SNTG1: variants seen among roughly 807,000 people sequenced by gnomAD.
The protein encoded by SNTG1 is syntrophin gamma 1, also known as gamma-1-syntrophin.
Under a neutral mutation model 74.7 loss-of-function variants are expected in SNTG1, and 39 were observed. That is an observed-to-expected ratio of 0.52 (90% CI 0.40 to 0.68). The LOEUF (loss-of-function observed/expected upper bound fraction) is 0.68, where lower values mean the gene tolerates loss of function less well. Among genes scored for constraint, SNTG1 ranks in the 30% least tolerant of loss-of-function variants. SNTG1 has a pLI of 0.00. For missense variants in SNTG1, 685 were observed against 609.5 expected (o/e 1.12, Z -1.30); for synonymous variants, 254 against 217.1 (o/e 1.17, Z -1.49).
intron 13 of SNTG1, among the ~76,000 whole-genome samples, chr8:50,637,598 T>C (rs13273663): frequency 0.51 from 77,519 of 151,862 alleles, 21,957 homozygotes; most frequent in East Asian, 0.66. Flanking sequence ...ATTTTTAGTA[T>C]AGTACTCTAG....
chr8:50,112,021 A>G (rs1186768434), intron 1 of SNTG1, among the ~76,000 whole-genome samples: 1 of 152,166 alleles, frequency 6.6e-6, no homozygotes, highest in Non-Finnish European at 1.5e-5. Context: ...ATTATATTTT[A>G]TCAAACTTGA....
chr8:49,931,844 A>G (rs1807624518), intron 1 of SNTG1, among the ~76,000 whole-genome samples: 1 of 152,138 alleles, frequency 6.6e-6, no homozygotes, highest in African/African-American at 2.4e-5. Flanking sequence ...GGCAAGAAAT[A>G]TTGTTTTTAG....
intron 9 of SNTG1, among the ~76,000 whole-genome samples, chr8:50,510,593 G>T (rs986234246): frequency 4.6e-5 from 7 of 152,168 alleles, no homozygotes; most frequent in African/African-American, 1.7e-4. Context: ...CAATTTCAGA[G>T]CCTGTTTTTG....
At chr8:50,252,292 C>G (rs2086678080) in intron 2 of SNTG1, among the ~76,000 whole-genome samples, 1 of 151,888 alleles carries the variant, frequency 6.6e-6, no homozygotes, top group South Asian at 2.1e-4. Context: ...AATTGTATAA[C>G]TCAAGGAACT....
intron 12 of SNTG1, among the ~76,000 whole-genome samples, chr8:50,556,275 T>C (rs1312839033): frequency 6.6e-6 from 1 of 152,152 alleles, no homozygotes; most frequent in East Asian, 1.9e-4. Flanking sequence ...ACTCATTTTA[T>C]TTAAATTCTA....
chr8:50,676,030 G>T (rs2095308310), intron 15 of SNTG1, among the ~76,000 whole-genome samples: 2 of 151,982 alleles, frequency 1.3e-5, no homozygotes, highest in Non-Finnish European at 2.9e-5. Context: ...CCTTTTGTAA[G>T]TGACCTGGCC....
At chr8:50,357,503 A>G (rs1441164108) in intron 2 of SNTG1, among the ~76,000 whole-genome samples, 1 of 152,232 alleles carries the variant, frequency 6.6e-6, no homozygotes, top group Non-Finnish European at 1.5e-5. Context: ...TGTCCTTGGC[A>G]TGTGGGAATT....
chr8:50,724,816 G>GT (rs2095496154), intron 17 of SNTG1, among the ~76,000 whole-genome samples: 1 of 152,086 alleles, frequency 6.6e-6, no homozygotes, highest in South Asian at 2.1e-4. Flanking sequence ...CATAACCAAT[G>GT]TTAAAGGTTT....
At chr8:50,415,416 A>T (rs1031931603) in intron 4 of SNTG1, among the ~76,000 whole-genome samples, 9 of 152,160 alleles carry the variant, frequency 5.9e-5, no homozygotes, top group Non-Finnish European at 1.3e-4. Context: ...GTAATAACGT[A>T]AATATAAGGT....
At chr8:50,397,818 T>A (rs1372543078) in intron 3 of SNTG1, among the ~76,000 whole-genome samples, 3 of 152,190 alleles carry the variant, frequency 2.0e-5, no homozygotes, top group Non-Finnish European at 4.4e-5. Flanking sequence ...CTGCCTGTGT[T>A]GAATTCTAGC....
chr8:50,641,828 C>T (rs1258149604), intron 13 of SNTG1, among the ~76,000 whole-genome samples: 1 of 152,078 alleles, frequency 6.6e-6, no homozygotes, highest in Non-Finnish European at 1.5e-5. Context: ...TCTCTATTAC[C>T]ACACAATGTC....
At chr8:50,691,030 G>C (rs2095376222) in intron 15 of SNTG1, among the ~76,000 whole-genome samples, 1 of 152,072 alleles carries the variant, frequency 6.6e-6, no homozygotes, top group Admixed American at 6.5e-5. Context: ...TTTGATCTTT[G>C]TTGGTTTAAA....
chr8:50,139,299 A>T (rs1024048916), intron 1 of SNTG1, among the ~76,000 whole-genome samples: 1 of 152,214 alleles, frequency 6.6e-6, no homozygotes, highest in Non-Finnish European at 1.5e-5. Flanking sequence ...CCAATCATTT[A>T]TATTTGAACA....
intron 17 of SNTG1, among the ~76,000 whole-genome samples, chr8:50,718,919 T>G (rs1036324000): frequency 2.6e-5 from 4 of 152,192 alleles, no homozygotes; most frequent in Admixed American, 2.6e-4. Flanking sequence ...ACAGAGACAG[T>G]GGTTGTTTCT....
intron 17 of SNTG1, among the ~76,000 whole-genome samples, chr8:50,718,443 G>C (rs2095479975): frequency 6.6e-6 from 1 of 152,178 alleles, no homozygotes; most frequent in Non-Finnish European, 1.5e-5. Context: ...TGTTTCTCGT[G>C]CTTCTGTGGG....
intron 9 of SNTG1, among the ~76,000 whole-genome samples, chr8:50,508,048 C>T (rs1039373791): frequency 6.6e-6 from 1 of 151,824 alleles, no homozygotes; most frequent in Non-Finnish European, 1.5e-5. Flanking sequence ...AGATATATCT[C>T]CTAATGCTAT....
At chr8:50,720,645 T>C (rs80019403) in intron 17 of SNTG1, among the ~76,000 whole-genome samples, 98 of 152,246 alleles carry the variant, frequency 6.4e-4, no homozygotes, top group African/African-American at 2.3e-3. Flanking sequence ...GTTTGATCAA[T>C]TGCTTAAACA....
At chr8:50,152,046 A>C (rs2082086685) in intron 1 of SNTG1, among the ~76,000 whole-genome samples, 1 of 152,100 alleles carries the variant, frequency 6.6e-6, no homozygotes, top group Admixed American at 6.5e-5. Flanking sequence ...TGGGAGTCTA[A>C]GTCTCTTTGT....
At chr8:50,215,607 A>G (rs1396263245) in intron 2 of SNTG1, among the ~76,000 whole-genome samples, 2 of 151,456 alleles carry the variant, frequency 1.3e-5, no homozygotes, top group Non-Finnish European at 2.9e-5. Context: ...AAAGGTGATA[A>G]ATTATAGCTT....
Sources: gnomAD v4.1 joint callset for allele counts (sites outside exome capture counted in the v4.1 genomes callset) on GRCh38, gnomAD v4.1.1 for gene constraint, MANE v1.5 for transcripts, NCBI Gene and HGNC (gene_info 2026-07-23, HGNC 2026-07-21) for gene names.